IGSF21: variants seen among roughly 807,000 people sequenced by gnomAD.
The protein encoded by IGSF21 is immunoglobulin superfamily member 21.
Under a neutral mutation model 46.8 loss-of-function variants are expected in IGSF21, and 28 were observed. The observed-to-expected ratio is 0.60, with a 90% CI of 0.44 to 0.82. The LOEUF (loss-of-function observed/expected upper bound fraction) is 0.82, where lower values mean the gene tolerates loss of function less well. Among genes scored for constraint, IGSF21 ranks in the 40% least tolerant of loss-of-function variants. The pLI is 0.00. For missense variants in IGSF21, 624 were observed against 665.5 expected, an observed-to-expected ratio of 0.94 and a Z score of 0.69; for synonymous variants, 284 against 273.6, an observed-to-expected ratio of 1.04 and a Z score of -0.38.
intron 3 of IGSF21, among the ~76,000 whole-genome samples, chr1:18,307,780 C>A (rs1377129636): frequency 1.3e-5 from 2 of 152,182 alleles, no homozygotes; most frequent in African/African-American, 4.8e-5. Flanking sequence ...TAAAAGGAAT[C>A]ACAATTCTGA....
At chr1:18,242,036 G>A (rs1001778198) in intron 2 of IGSF21, among the ~76,000 whole-genome samples, 1 of 152,138 alleles carries the variant, frequency 6.6e-6, no homozygotes. Context: ...TCTGGACATG[G>A]CTGCTTCAGG....
chr1:18,111,011 G>C (rs1432141427), intron 1 of IGSF21: 1 of 152,330 alleles, frequency 6.6e-6, no homozygotes, highest in Non-Finnish European at 1.5e-5. Flanking sequence ...CTCTGTCTCC[G>C]CAGCCGCGTG....
Position 18,332,556 on chromosome 1 carries a change from G to T in IGSF21, c.306-2336G>T, listed in dbSNP as rs888608484. 1.6e-4 allele frequency among the ~76,000 whole-genome samples: 24 copies of T among 151,508 alleles called. 1 individual carries two copies. The highest frequency in any genetic ancestry group is 1.2e-3 in the Admixed American group (18 of 15,222). ...CAGGTGACTGTCACTCAGTAATGGCGCCTGGTAGAGAGGCTATTTTTTCAG... is the reference window on the plus strand; with the variant it reads ...CAGGTGACTGTCACTCAGTAATGGCTCCTGGTAGAGAGGCTATTTTTTCAG... On this transcript the variant is annotated intron_variant, in intron 3 of 9. Coordinates refer to ENST00000251296, the MANE Select transcript of IGSF21 (RefSeq NM_032880.5).
rs140919680 is a variant in IGSF21 at position 18,183,370 on chromosome 1, T to C, written c.71-44528T>C. ...CATGTCTGTGAATGGGTGAATTTTATTTTATGTAAATTAAACCTCAAGGTA... is the reference window on the plus strand; with the variant it reads ...CATGTCTGTGAATGGGTGAATTTTACTTTATGTAAATTAAACCTCAAGGTA... On this transcript the variant is annotated intron_variant, in intron 1 of 9. Coordinates refer to ENST00000251296, the MANE Select transcript of IGSF21 (RefSeq NM_032880.5). Among the ~76,000 whole-genome samples the C allele has an allele frequency of 1.1e-3, 165 of 152,362 alleles. 1 individual carries two copies. Among genetic ancestry groups the C allele is most frequent in the African/African-American group, 3.9e-3 (161 of 41,582 alleles).
intron 2 of IGSF21, among the ~76,000 whole-genome samples, chr1:18,273,064 T>TTTTTTTTTTTTTTTG (rs2085058805): frequency 7.0e-6 from 1 of 143,108 alleles, no homozygotes; most frequent in Non-Finnish European, 1.5e-5. Context: ...TTTTTTTTTT[T>TTTTTTTTTTTTTTTG]AGATGGAGTC....
At chr1:18,349,729 T>G (rs1202230803) in intron 4 of IGSF21, among the ~76,000 whole-genome samples, 1 of 152,100 alleles carries the variant, frequency 6.6e-6, no homozygotes, top group African/African-American at 2.4e-5. Flanking sequence ...ACAAGATCCC[T>G]AGAAAGTAGA....
At chr1:18,286,349 T>G (rs2085211911) in intron 2 of IGSF21, among the ~76,000 whole-genome samples, 2 of 152,156 alleles carry the variant, frequency 1.3e-5, no homozygotes, top group Non-Finnish European at 2.9e-5. Flanking sequence ...TGCCAGGCAC[T>G]GTGCTAGGCT....
At chr1:18,285,772 G>A (rs1006900674) in intron 2 of IGSF21, among the ~76,000 whole-genome samples, 4 of 152,072 alleles carry the variant, frequency 2.6e-5, no homozygotes, top group Non-Finnish European at 4.4e-5. Context: ...TCCCTACTTC[G>A]GACTTAAGAA....
At chr1:18,156,983 G>A (rs2124439186) in intron 1 of IGSF21, among the ~76,000 whole-genome samples, 1 of 152,298 alleles carries the variant, frequency 6.6e-6, no homozygotes, top group Non-Finnish European at 1.5e-5. Context: ...CATTAGCCAG[G>A]CATGGTGGTA....
intron 2 of IGSF21, among the ~76,000 whole-genome samples, chr1:18,287,483 T>A (rs2085226339): frequency 6.6e-6 from 1 of 152,152 alleles, no homozygotes; most frequent in Non-Finnish European, 1.5e-5. Flanking sequence ...TTCAAGGACC[T>A]GTGTGTTTGT....
intron 4 of IGSF21, among the ~76,000 whole-genome samples, chr1:18,340,972 CCTT>C (rs1252000276): frequency 2.4e-5 from 3 of 123,254 alleles, no homozygotes; most frequent in Non-Finnish European, 3.5e-5. Context: ...TCCTTCTTCT[CCTT>C]CTTCTTCTCC....
intron 3 of IGSF21, among the ~76,000 whole-genome samples, chr1:18,320,497 C>T (rs914554977): frequency 4.6e-5 from 7 of 152,180 alleles, no homozygotes; most frequent in African/African-American, 1.4e-4. Flanking sequence ...TTTGATGAAG[C>T]GGCGGGAGTC....
At chr1:18,153,074 C>T (rs889973573) in intron 1 of IGSF21, among the ~76,000 whole-genome samples, 1 of 152,138 alleles carries the variant, frequency 6.6e-6, no homozygotes, top group Non-Finnish European at 1.5e-5. Context: ...GGTTTGGGGG[C>T]TCAGTGTTCG....
intron 2 of IGSF21, among the ~76,000 whole-genome samples, chr1:18,280,294 AAG>A (rs2124554814): frequency 6.6e-6 from 1 of 152,134 alleles, no homozygotes; most frequent in South Asian, 2.1e-4. Context: ...GCAGCCCTGA[AAG>A]AGGGGCTGGA....
intron 1 of IGSF21, 74 bp downstream of exon 1, chr1:18,108,272 G>A: frequency 7.8e-7 from 1 of 1,282,620 alleles, no homozygotes; most frequent in Non-Finnish European, 9.9e-7. Context: ...GAGGGCGCTG[G>A]CCGGGGTCGC....
At chr1:18,228,901 C>A (rs933251063) in intron 2 of IGSF21, among the ~76,000 whole-genome samples, 1 of 152,198 alleles carries the variant, frequency 6.6e-6, no homozygotes, top group African/African-American at 2.4e-5. Flanking sequence ...CAGCCACAGA[C>A]AGTGTGTAAA....
At chr1:18,151,121 T>G (rs1203789819) in intron 1 of IGSF21, among the ~76,000 whole-genome samples, 4 of 152,198 alleles carry the variant, frequency 2.6e-5, no homozygotes, top group African/African-American at 9.6e-5. Context: ...GTATCCTCTG[T>G]GTGGAGGGAC....
At chr1:18,226,752 C>A (rs2084571225) in intron 1 of IGSF21, among the ~76,000 whole-genome samples, 1 of 152,230 alleles carries the variant, frequency 6.6e-6, no homozygotes, top group Non-Finnish European at 1.5e-5. Flanking sequence ...CTTGCCTGCA[C>A]AATTGAAATC....
chr1:18,184,015 A>G (rs886486838), intron 1 of IGSF21, among the ~76,000 whole-genome samples: 10 of 152,192 alleles, frequency 6.6e-5, no homozygotes, highest in African/African-American at 2.4e-4. Flanking sequence ...CAGTTCAAGC[A>G]TTCACAAGGT....
Sources: gnomAD v4.1 joint callset for allele counts (sites outside exome capture counted in the v4.1 genomes callset) on GRCh38, gnomAD v4.1.1 for gene constraint, MANE v1.5 for transcripts, NCBI Gene and HGNC (gene_info 2026-07-23, HGNC 2026-07-21) for gene names.